Variants in STRBP observed in about 807,000 individuals in gnomAD.
STRBP encodes the protein spermatid perinuclear RNA binding protein, also known as spermatid perinuclear RNA-binding protein.
Under a neutral mutation model 80.1 loss-of-function variants are expected in STRBP, and 13 were observed. That is an observed-to-expected ratio of 0.16 (90% CI 0.11 to 0.26). STRBP has a LOEUF of 0.26. Ranked by LOEUF, STRBP falls within the 10% of genes least tolerant of loss-of-function variation. The pLI, the probability that STRBP is intolerant of heterozygous loss-of-function variation, is 1.00. For synonymous variants in STRBP, 284 were observed against 291.2 expected, an observed-to-expected ratio of 0.98 and a Z score of 0.25; for missense variants, 485 against 815.2, an observed-to-expected ratio of 0.59 and a Z score of 4.93.
chr9:123,163,615 A>G (rs543302823), intron 6 of STRBP, among the ~76,000 whole-genome samples: 1 of 152,238 alleles, frequency 6.6e-6, no homozygotes, highest in Non-Finnish European at 1.5e-5. Flanking sequence ...TATCTTTTTC[A>G]AAGTTCTTAA....
chr9:123,142,637 G>C (rs948910448), intron 13 of STRBP, among the ~76,000 whole-genome samples: 11 of 151,970 alleles, frequency 7.2e-5, no homozygotes, highest in Non-Finnish European at 1.6e-4. Flanking sequence ...ATCCATCCCT[G>C]TTCCTTGGCT....
At chr9:123,118,963 T>A (rs142441107), downstream of STRBP, among the ~76,000 whole-genome samples, 8 of 152,250 alleles carry the variant, frequency 5.3e-5, no homozygotes, top group African/African-American at 1.4e-4. Context: ...AAAGCAACTT[T>A]CCAACTGTGT....
intron 13 of STRBP, among the ~76,000 whole-genome samples, chr9:123,144,401 G>A (rs1418811539): frequency 6.6e-6 from 1 of 152,004 alleles, no homozygotes; most frequent in African/African-American, 2.4e-5. Context: ...CTCAGGTGCT[G>A]CCCCATGTTT....
chr9:123,114,959 C>T (rs1429231467), intron 3 of STRBP: 1 of 346,632 alleles, frequency 2.9e-6, no homozygotes, highest in African/African-American at 2.2e-5. Context: ...CACGCCTCGC[C>T]TGGCCAATGG....
At chr9:123,212,224 A>G (rs2132535538) in intron 2 of STRBP, among the ~76,000 whole-genome samples, 1 of 152,338 alleles carries the variant, frequency 6.6e-6, no homozygotes, top group South Asian at 2.1e-4. Flanking sequence ...AATTTGTTCT[A>G]GTGAGTTTCA....
chr9:123,200,039 C>T (rs989833041), intron 2 of STRBP, among the ~76,000 whole-genome samples: 4 of 152,032 alleles, frequency 2.6e-5, no homozygotes, highest in African/African-American at 9.7e-5. Context: ...AAGGTAGGTC[C>T]CTTCCATGCC....
At chr9:123,207,352 C>A (rs1250434753) in intron 2 of STRBP, among the ~76,000 whole-genome samples, 7 of 152,168 alleles carry the variant, frequency 4.6e-5, no homozygotes, top group Admixed American at 4.6e-4. Context: ...TGATCCACTT[C>A]ATCATGTCTA....
intron 2 of STRBP, among the ~76,000 whole-genome samples, chr9:123,215,067 CT>C (rs1189124117): frequency 8.8e-5 from 13 of 147,326 alleles, no homozygotes; most frequent in East Asian, 5.9e-4. Flanking sequence ...CAATTTCTTT[CT>C]TTTTTTTTTT....
chr9:123,163,874 C>G (rs961865753), intron 6 of STRBP, among the ~76,000 whole-genome samples: 30 of 152,114 alleles, frequency 2.0e-4, no homozygotes, highest in African/African-American at 6.5e-4. Flanking sequence ...CAAAACTTTC[C>G]TGATAACACA....
intron 6 of STRBP, among the ~76,000 whole-genome samples, chr9:123,166,326 C>A (rs1334541721): frequency 6.6e-6 from 1 of 152,158 alleles, no homozygotes; most frequent in Non-Finnish European, 1.5e-5. Flanking sequence ...ATTTACTGAG[C>A]AACTACTTTG....
intron 1 of STRBP, among the ~76,000 whole-genome samples, chr9:123,238,343 A>C (rs1400553506): frequency 6.6e-6 from 1 of 152,244 alleles, no homozygotes; most frequent in Non-Finnish European, 1.5e-5. Context: ...ATCACGTATC[A>C]ATAAGGCTAG....
At position 123,124,629 on chromosome 9, in the gene STRBP, A is replaced by T. The variant is rs927988264; in HGVS notation, c.*968T>A. 5.3e-5 allele frequency: 52 copies of T among 985,338 alleles called. No homozygotes were observed. The African/African-American group carries it at 8.7e-4, about 17-fold the overall frequency. The allele number at this position is 985,338 out of a possible 1,614,324, so 61.0% of individuals were successfully genotyped here. On this transcript the variant is annotated 3_prime_UTR_variant, in exon 19 of 19. Coordinates refer to ENST00000348403, the MANE Select transcript of STRBP (RefSeq NM_018387.5). Reference sequence around the variant, plus strand: ...TTCAATGAATCCCAGCAAAATCACTAATCTTCTATCTGCATGAAAAAAGCC... The same window carrying T: ...TTCAATGAATCCCAGCAAAATCACTTATCTTCTATCTGCATGAAAAAAGCC...
At chr9:123,249,583 G>A (rs1249207640) in intron 1 of STRBP, among the ~76,000 whole-genome samples, 2 of 152,140 alleles carry the variant, frequency 1.3e-5, no homozygotes, top group African/African-American at 4.8e-5. Flanking sequence ...CAAGGTTATA[G>A]TGAGGTATGA....
intron 2 of STRBP, among the ~76,000 whole-genome samples, chr9:123,213,117 C>T (rs1333708378): frequency 6.6e-6 from 1 of 152,248 alleles, no homozygotes; most frequent in South Asian, 2.1e-4. Flanking sequence ...CTCCCAAGGC[C>T]GCAATGAAGG....
chr9:123,147,721 A>G (rs759049790), intron 12 of STRBP, 57 bp downstream of exon 12: 60 of 1,156,456 alleles, frequency 5.2e-5, no homozygotes, highest in Non-Finnish European at 7.0e-5. Context: ...TAATTTTTCT[A>G]TCTGAAGCTA....
intron 4 of STRBP, among the ~76,000 whole-genome samples, chr9:123,177,315 C>G (rs1164137683): frequency 6.6e-6 from 1 of 152,120 alleles, no homozygotes; most frequent in Non-Finnish European, 1.5e-5. Context: ...GTCTGTAATC[C>G]CAGCACTTTG....
intron 14 of STRBP, among the ~76,000 whole-genome samples, chr9:123,138,815 AGTTT>A (rs2036468480): frequency 1.3e-5 from 2 of 152,244 alleles, no homozygotes; most frequent in African/African-American, 2.4e-5. Flanking sequence ...TGAAAAAATT[AGTTT>A]ATTAATTAAG....
Position 123,197,212 on chromosome 9 carries a change from G to C in STRBP, c.-164-12914C>G, listed in dbSNP as rs564729121. On this transcript the variant is annotated intron_variant, in intron 2 of 18. Transcript: ENST00000348403. ...TTAAACAATTAAACTCAAAGAAATA[G>C]AGAGCAGAATGATGGTTATCAGAGG... is the stretch of plus-strand genomic sequence containing the variant. Among the ~76,000 whole-genome samples the C allele has an allele frequency of 7.9e-5, 12 of 152,286 alleles. No individual in the cohort carries two copies. The Middle Eastern group carries it at 0.01, about 129-fold the overall frequency.
chr9:123,238,963 C>A (rs543277353), intron 1 of STRBP, among the ~76,000 whole-genome samples: 73 of 152,252 alleles, frequency 4.8e-4, no homozygotes, highest in African/African-American at 1.6e-3. Context: ...CATAACATTA[C>A]AAAAGTTTCA....
Sources: gnomAD v4.1 joint callset for allele counts (sites outside exome capture counted in the v4.1 genomes callset) on GRCh38, gnomAD v4.1.1 for gene constraint, MANE v1.5 for transcripts, NCBI Gene and HGNC (gene_info 2026-07-23, HGNC 2026-07-21) for gene names.